The following ESR1 variants were observed in gnomAD, a reference collection of about 807,000 sequenced individuals.
ESR1 encodes the protein estrogen receptor.
A neutral mutation model predicts 52.7 loss-of-function variants in ESR1; 12 were observed. The observed-to-expected ratio is 0.23, with a 90% CI of 0.15 to 0.37. The LOEUF is 0.37. Among genes scored for constraint, ESR1 ranks in the 10% least tolerant of loss-of-function variants. ESR1 has a pLI of 1.00. For synonymous variants in ESR1, 305 were observed against 316.8 expected, an observed-to-expected ratio of 0.96 and a Z score of 0.39; for missense variants, 584 against 779.7, an observed-to-expected ratio of 0.75 and a Z score of 2.99.
chr6:151,736,854 G>A (rs1367558329), intron 2 of ESR1, among the ~76,000 whole-genome samples: 4 of 152,068 alleles, frequency 2.6e-5, no homozygotes, highest in Non-Finnish European at 4.4e-5. Context: ...ATTTCGGCAC[G>A]CTGGCTCCTG....
chr6:152,047,381 A>G (rs369360646), intron 5 of ESR1, among the ~76,000 whole-genome samples: 4 of 152,226 alleles, frequency 2.6e-5, no homozygotes, highest in East Asian at 3.9e-4. Flanking sequence ...TGGAACTCCA[A>G]CACTGTATTG....
At chr6:152,045,928 T>C (rs995666739) in intron 5 of ESR1, among the ~76,000 whole-genome samples, 2 of 152,202 alleles carry the variant, frequency 1.3e-5, no homozygotes, top group African/African-American at 4.8e-5. Flanking sequence ...GAGACTCTTA[T>C]TGTCCTATTT....
intron 6 of ESR1, chr6:152,122,808 C>T (rs774436127): frequency 2.1e-6 from 3 of 1,411,284 alleles, no homozygotes; most frequent in Non-Finnish European, 2.9e-6. Flanking sequence ...AGCTGCCAGC[C>T]TTCCACAGTG....
chr6:152,075,016 A>G (rs759019825), intron 6 of ESR1, among the ~76,000 whole-genome samples: 28 of 152,164 alleles, frequency 1.8e-4, no homozygotes, highest in Non-Finnish European at 3.8e-4. Context: ...TCTTTTGCAA[A>G]TATTTTCTCC....
At chr6:151,984,132 T>A (rs1482410248) in intron 4 of ESR1, 1 of 152,160 alleles carries the variant, frequency 6.6e-6, no homozygotes, top group East Asian at 1.9e-4. Flanking sequence ...TGTCTACTTT[T>A]AAAAATATTC....
chr6:152,066,729 G>A (rs1369597208), intron 6 of ESR1, among the ~76,000 whole-genome samples: 1 of 152,188 alleles, frequency 6.6e-6, no homozygotes, highest in Non-Finnish European at 1.5e-5. Context: ...CAAGCCTCAT[G>A]GCTCCTGTTA....
At chr6:151,965,016 G>C (rs1300832864) in intron 4 of ESR1, among the ~76,000 whole-genome samples, 1 of 152,154 alleles carries the variant, frequency 6.6e-6, no homozygotes, top group Non-Finnish European at 1.5e-5. Flanking sequence ...TATGTATTAA[G>C]AGGCAAAAGC....
chr6:151,926,518 A>G (rs1240326145), intron 3 of ESR1, among the ~76,000 whole-genome samples: 1 of 151,964 alleles, frequency 6.6e-6, no homozygotes, highest in Non-Finnish European at 1.5e-5. Flanking sequence ...TCATTTTAAG[A>G]TCTTCTTTCA....
intron 4 of ESR1, among the ~76,000 whole-genome samples, chr6:151,985,058 G>C (rs1229492369): frequency 2.0e-5 from 3 of 152,042 alleles, no homozygotes; most frequent in Non-Finnish European, 4.4e-5. Flanking sequence ...ATGTATGTAT[G>C]AATGTCCCCC....
chr6:151,687,352 C>A (rs1778730391), upstream of ESR1, among the ~76,000 whole-genome samples: 1 of 152,096 alleles, frequency 6.6e-6, no homozygotes, highest in Admixed American at 6.6e-5. Flanking sequence ...TCCAGGTAAG[C>A]AGAGTTTCAA....
chr6:151,694,295 A>G (rs1779162039), intron 1 of ESR1, among the ~76,000 whole-genome samples: 1 of 152,230 alleles, frequency 6.6e-6, no homozygotes, highest in Non-Finnish European at 1.5e-5. Flanking sequence ...GTTTGTAATC[A>G]ATATGAATTT....
intron 4 of ESR1, among the ~76,000 whole-genome samples, chr6:151,978,763 A>G (rs950330869): frequency 1.2e-4 from 19 of 152,160 alleles, no homozygotes; most frequent in Non-Finnish European, 2.9e-5. Flanking sequence ...GTACATTGTA[A>G]AATTACATTT....
intron 6 of ESR1, among the ~76,000 whole-genome samples, chr6:152,086,233 C>T (rs1170853934): frequency 6.6e-6 from 1 of 151,952 alleles, no homozygotes; most frequent in Non-Finnish European, 1.5e-5. Context: ...AAATCCAGAA[C>T]CCTGATTGTT....
intron 1 of ESR1, among the ~76,000 whole-genome samples, chr6:151,673,649 G>A (rs1229805801): frequency 3.9e-5 from 6 of 152,120 alleles, no homozygotes; most frequent in African/African-American, 9.7e-5. Flanking sequence ...TTGGGAGGCC[G>A]AGGTGGGAGA....
chr6:151,981,482 G>A (rs1004681769), intron 4 of ESR1, among the ~76,000 whole-genome samples: 4 of 152,086 alleles, frequency 2.6e-5, no homozygotes, highest in Non-Finnish European at 4.4e-5. Flanking sequence ...GGAAACTTTC[G>A]ACCCAAGGGA....
exon 1 of ESR1, chr6:151,656,722 A>G (rs1455290333): frequency 2.0e-5 from 3 of 152,176 alleles, no homozygotes; most frequent in Non-Finnish European, 2.9e-5. Flanking sequence ...TCTGATACCA[A>G]TCCTTTTGAT....
Position 151,881,588 on chromosome 6 carries a change from C to G in ESR1, c.760+817C>G, listed in dbSNP as rs148734285. Reference sequence around the variant, plus strand: ...GAACATTGCTTCTAGTCTTGGATAGCCTTCAGTGTAGTGGAAGAGAACAAG... The same window carrying G: ...GAACATTGCTTCTAGTCTTGGATAGGCTTCAGTGTAGTGGAAGAGAACAAG... On this transcript the variant is annotated intron_variant, in intron 3 of 7. Coordinates refer to ENST00000206249, the MANE Select transcript of ESR1 (RefSeq NM_000125.4). Among the ~76,000 whole-genome samples, 71 of 152,198 alleles carry G rather than the reference C, an allele frequency of 4.7e-4. 1 individual carries two copies. In the East Asian group the frequency reaches 0.013, roughly 28 times the overall value.
In ESR1 at chr6:152,040,285, A is replaced by G. The variant is rs921010111; in HGVS notation, c.1236-20706A>G. The stretch of plus-strand genomic sequence containing the variant: ...CCCTGCCACCACAGCCACTTTGTTC[A>G]TGGGCCTATTGGGCGATGACAATGG... On this transcript the variant is annotated intron_variant, in intron 5 of 7. Transcript: ENST00000206249. Among the ~76,000 whole-genome samples, 4 of 152,284 alleles carry G rather than the reference A, an allele frequency of 2.6e-5. No individual in the cohort carries two copies. The East Asian group carries it at 5.8e-4, about 22-fold the overall frequency.
At chr6:151,957,526 A>ATTGTT (rs10635165) in intron 4 of ESR1, among the ~76,000 whole-genome samples, 84,356 of 151,414 alleles carry the variant, frequency 0.56, 25,212 homozygotes, top group Middle Eastern at 0.72. Flanking sequence ...TTAAAATTTG[A>ATTGTT]TTGTTTTGTT....
Sources: gnomAD v4.1 joint callset for allele counts (sites outside exome capture counted in the v4.1 genomes callset) on GRCh38, gnomAD v4.1.1 for gene constraint, MANE v1.5 for transcripts, NCBI Gene and HGNC (gene_info 2026-07-23, HGNC 2026-07-21) for gene names.